Variants in MARK2 observed in about 807,000 individuals in gnomAD.
The protein encoded by MARK2 is microtubule affinity regulating kinase 2.
In MARK2, 16 loss-of-function variants were observed where a neutral mutation model predicts 89.8. The observed-to-expected ratio is 0.18, with a 90% CI of 0.12 to 0.27. The LOEUF (loss-of-function observed/expected upper bound fraction) is 0.27. Among genes scored for constraint, MARK2 ranks in the 10% least tolerant of loss-of-function variants. The pLI, the probability that MARK2 is intolerant of heterozygous loss-of-function variation, is 1.00. For missense variants in MARK2, 621 were observed against 1,049.9 expected (o/e 0.59, Z 5.65); for synonymous variants, 382 against 399.5 (o/e 0.96, Z 0.52).
At chr11:63,871,289 G>A (rs1261693715) in intron 1 of MARK2, among the ~76,000 whole-genome samples, 5 of 151,950 alleles carry the variant, frequency 3.3e-5, no homozygotes, top group Non-Finnish European at 7.3e-5. Flanking sequence ...TGCTTTCACT[G>A]TGTGCAGGTG....
chr11:63,892,680 T>G (rs1192190229), intron 1 of MARK2, among the ~76,000 whole-genome samples: 2 of 150,572 alleles, frequency 1.3e-5, no homozygotes, highest in African/African-American at 2.4e-5. Context: ...ATGTTCTTTG[T>G]GAGATGTAAA....
chr11:63,844,579 TTAAAA>T (rs1285660985), intron 1 of MARK2, among the ~76,000 whole-genome samples: 1 of 152,196 alleles, frequency 6.6e-6, no homozygotes, highest in African/African-American at 2.4e-5. Context: ...CTGCTGCAGA[TTAAAA>T]TAAAGTTTGC....
chr11:63,878,474 A>G (rs985845395), intron 1 of MARK2, among the ~76,000 whole-genome samples: 2 of 142,498 alleles, frequency 1.4e-5, no homozygotes, highest in African/African-American at 5.3e-5. Context: ...GGTTCACGCC[A>G]TTCTCCTGCC....
chr11:63,861,060 T>G (rs559306220), intron 1 of MARK2, among the ~76,000 whole-genome samples: 1 of 152,348 alleles, frequency 6.6e-6, no homozygotes, highest in East Asian at 1.9e-4. Context: ...CAGATTTACA[T>G]GTGGCATGCA....
chr11:63,863,134 C>T (rs1400596253), intron 1 of MARK2, among the ~76,000 whole-genome samples: 3 of 152,122 alleles, frequency 2.0e-5, no homozygotes, highest in Non-Finnish European at 2.9e-5. Context: ...GTCTCTTTAT[C>T]CCATCGCTGG....
intron 1 of MARK2, chr11:63,868,993 C>G: frequency 2.6e-6 from 1 of 386,448 alleles, no homozygotes; most frequent in Non-Finnish European, 5.3e-6. Flanking sequence ...AGACTAGGGA[C>G]CATGTTTTCC....
rs1787841480 is a variant in MARK2 at position 63,903,321 on chromosome 11, C to T, written c.1514+163C>T. On this transcript the variant is annotated intron_variant, in intron 14 of 18. Transcript: ENST00000402010. This position sits in a 1 kb window ranked among gnomAD's most constrained non-coding sequence, Gnocchi z 5.1. ...TCCAGCTTTCCCCTCCCCTATTCCACGCCATTGCCTCCTCCCCATCTTCCT... is the reference window on the plus strand; with the variant it reads ...TCCAGCTTTCCCCTCCCCTATTCCATGCCATTGCCTCCTCCCCATCTTCCT... The T allele has an allele frequency of 4.8e-6, 3 of 622,374 alleles. No homozygotes were observed. Among genetic ancestry groups the T allele is most frequent in the Non-Finnish European group, 2.9e-6 (1 of 347,476 alleles). The allele number at this position is 622,374 out of a possible 1,614,324, so 38.6% of individuals were successfully genotyped here.
At chr11:63,883,606 G>A (rs1438471955) in intron 1 of MARK2, among the ~76,000 whole-genome samples, 4 of 151,962 alleles carry the variant, frequency 2.6e-5, no homozygotes, top group Non-Finnish European at 5.9e-5. Context: ...TTGAGACAGG[G>A]TCTTACTCTG....
intron 17 of MARK2, among the ~76,000 whole-genome samples, chr11:63,906,446 G>A (rs1467878099): frequency 6.6e-6 from 1 of 152,150 alleles, no homozygotes; most frequent in Admixed American, 6.5e-5. Flanking sequence ...TCTCAGGGAA[G>A]CCTCCCTTTA....
At chr11:63,908,181 C>A (rs1485148957) in intron 17 of MARK2, 79 bp from the exon 18 acceptor site, 8 of 1,356,444 alleles carry the variant, frequency 5.9e-6, no homozygotes, top group African/African-American at 2.9e-5. Flanking sequence ...CCTCCCCAGA[C>A]CCACTCTCAT....
At position 63,901,542 on chromosome 11, in the gene MARK2, G is replaced by A. The variant is rs186214830; in HGVS notation, c.1101+473G>A. Reference sequence around the variant, plus strand: ...TGCCCAGGCTGGAGTGCAATGGCAGGATCTTGGCTCACTGCAACCTCCGCC... The same window carrying A: ...TGCCCAGGCTGGAGTGCAATGGCAGAATCTTGGCTCACTGCAACCTCCGCC... On this transcript the variant is annotated intron_variant, in intron 11 of 18. Transcript: ENST00000402010. Among the ~76,000 whole-genome samples, 499 of 139,264 alleles carry A rather than the reference G, an allele frequency of 3.6e-3. 5 individuals carry two copies. The highest frequency in any genetic ancestry group is 0.022 in the Middle Eastern group (5 of 228). 91.4% of individuals were successfully genotyped at this position (139,264 alleles called of 152,430 possible).
At position 63,867,768 on chromosome 11, in the gene MARK2, C is replaced by A. The variant is rs558613876; in HGVS notation, c.55-27391C>A. 3.3e-5 allele frequency among the ~76,000 whole-genome samples: 5 copies of A among 152,240 alleles called. No individual in the cohort carries two copies. In the South Asian group the frequency reaches 1.0e-3, roughly 32 times the overall value. ...CTCTCACCATGGCTGACGCCGTGGG[C>A]AGGCATCCGCATTCATGGAAAGCCA... On this transcript the variant is annotated intron_variant, in intron 1 of 18. Transcript: ENST00000402010.
At chr11:63,887,236 A>G (rs1939455293) in intron 1 of MARK2, among the ~76,000 whole-genome samples, 2 of 152,206 alleles carry the variant, frequency 1.3e-5, no homozygotes, top group East Asian at 1.9e-4. Context: ...TTGATGAGAA[A>G]CTGGTAAGGG....
At chr11:63,857,033 G>A (rs1023685563) in intron 1 of MARK2, among the ~76,000 whole-genome samples, 55 of 151,256 alleles carry the variant, frequency 3.6e-4, no homozygotes, top group African/African-American at 1.3e-3. Context: ...GGATGGTCTC[G>A]ATCTCCTGAC....
Position 63,900,404 on chromosome 11 carries a change from CT to C in MARK2, c.769-154del, listed in dbSNP as rs937910839. 7.2e-5 allele frequency among the ~76,000 whole-genome samples: 11 copies of C among 152,200 alleles called. No homozygotes were observed. Among genetic ancestry groups the C allele is most frequent in the Non-Finnish European group, 1.2e-4 (8 of 68,036 alleles). ...CGAGGGTATTTGACTTCACTTGCCT[CT>C]CTGGTGAGGTGTCTTGTCCCCAGGC... On this transcript the variant is annotated intron_variant, in intron 8 of 18. Coordinates refer to ENST00000402010, the MANE Select transcript of MARK2 (RefSeq NM_001039469.3). This position sits in a 1 kb window ranked among gnomAD's most constrained non-coding sequence, Gnocchi z 4.7.
chr11:63,901,840 C>T (rs531238753), intron 11 of MARK2, among the ~76,000 whole-genome samples: 1 of 152,094 alleles, frequency 6.6e-6, no homozygotes, highest in African/African-American at 2.4e-5. Flanking sequence ...CTGCCCTGCT[C>T]TCCCTCTGGT....
intron 17 of MARK2, 42 bp downstream of exon 17, chr11:63,906,156 T>TC: frequency 1.6e-6 from 2 of 1,275,626 alleles, no homozygotes; most frequent in Middle Eastern, 2.3e-4. Flanking sequence ...TGTGTGTGTG[T>TC]CTGTGTCCTG....
chr11:63,902,748 T>G lies in MARK2; in HGVS notation c.1382T>G (p.Leu461Arg), dbSNP rs763549764. ...GTGCCTGCCAGCCCCCTGCCCGGTC[T>G]GGAGAGGAAGAAGACCACCCCAACC... ...AKVPASPLPG[L>R]ERKKTTPTPS... Residue 461 changes from leucine to arginine, a missense_variant, in exon 13 of 19, where the codon CTG becomes CGG. Leu to Arg is a moderately radical substitution (Grantham distance 102). Coordinates refer to ENST00000402010, the MANE Select transcript of MARK2 (RefSeq NM_001039469.3). The surrounding 1 kb of genome is among the most constrained non-coding windows in gnomAD (Gnocchi z 4.2). 4.3e-6 allele frequency: 7 copies of G among 1,613,576 alleles called. No individual in the cohort carries two copies. The highest frequency in any genetic ancestry group is 5.9e-6 in the Non-Finnish European group (7 of 1,179,974).
chr11:63,849,478 C>A (rs904769556), intron 1 of MARK2, among the ~76,000 whole-genome samples: 2 of 152,138 alleles, frequency 1.3e-5, no homozygotes, highest in Admixed American at 6.6e-5. Flanking sequence ...GTGGGCCGGG[C>A]GCGGTGGCTC....
Sources: gnomAD v4.1 joint callset for allele counts (sites outside exome capture counted in the v4.1 genomes callset) on GRCh38, gnomAD v4.1.1 for gene constraint, Gnocchi (gnomAD v3.1) non-coding constraint, MANE v1.5 for transcripts, NCBI Gene and HGNC (gene_info 2026-07-23, HGNC 2026-07-21) for gene names.